The following BDKRB1 variants were observed in gnomAD, a reference collection of about 807,000 sequenced individuals.
BDKRB1 encodes B1 bradykinin receptor.
For synonymous variants in BDKRB1, 192 were observed against 189.1 expected (o/e 1.02, Z -0.13); for missense variants, 414 against 441.4 (o/e 0.94, Z 0.56).
Position 96,264,411 on chromosome 14 carries a change from C to T in BDKRB1, c.729C>T (p.Arg243=). ...EEVSRTRCGG[R]KDSKTTALIL... Reference sequence around the variant, plus strand: ...TCAGCAGGACAAGGTGCGGGGGCCGCAAGGATAGCAAGACCACAGCGCTGA... The same window carrying T: ...TCAGCAGGACAAGGTGCGGGGGCCGTAAGGATAGCAAGACCACAGCGCTGA... Residue 243 remains arginine (R), a synonymous_variant, in exon 3 of 3, where the codon CGC becomes CGT. Coordinates refer to ENST00000216629, the MANE Select transcript of BDKRB1 (RefSeq NM_000710.4). 3.7e-6 allele frequency: 6 copies of T among 1,614,210 alleles called. No individual in the cohort carries two copies. Among genetic ancestry groups the T allele is most frequent in the Non-Finnish European group, 5.1e-6 (6 of 1,180,036 alleles).
At position 96,264,195 on chromosome 14, in the gene BDKRB1, C is replaced by T; in HGVS notation, c.513C>T (p.Pro171=). Reference sequence around the variant, plus strand: ...TTGTGGGGGGCCTCTTGAGCATCCCCACATTCCTGCTGCGATCCATCCAAG... The same window carrying T: ...TTGTGGGGGGCCTCTTGAGCATCCCTACATTCCTGCTGCGATCCATCCAAG... ...IWVVGGLLSI[P]TFLLRSIQAV... The change falls in exon 3 of 3, where the codon CCC becomes CCT. Residue 171 remains proline, a synonymous_variant. Coordinates refer to ENST00000216629, the MANE Select transcript of BDKRB1 (RefSeq NM_000710.4). 1.2e-6 allele frequency: 2 copies of T among 1,611,882 alleles called. No homozygotes were observed. Among genetic ancestry groups the T allele is most frequent in the Non-Finnish European group, 1.7e-6 (2 of 1,178,456 alleles).
At chr14:96,261,647 A>T (rs1292656608) in intron 1 of BDKRB1, among the ~76,000 whole-genome samples, 1 of 152,266 alleles carries the variant, frequency 6.6e-6, no homozygotes, top group Middle Eastern at 3.2e-3. Context: ...GGTGTCACCC[A>T]TTAATAACAA....
In BDKRB1 at chr14:96,264,079, C is replaced by A; in HGVS notation, c.397C>A (p.Gln133Lys). ...CATCTTCCTGGTGGTGGCCATCAGC[C>A]AGGACCGCTACCGCGTGCTGGTGCA... ...ISIFLVVAIS[Q>K]DRYRVLVHPM... The change falls in exon 3 of 3, where the codon CAG becomes AAG. Residue 133 changes from glutamine (Q) to lysine (K), a missense_variant. Transcript: ENST00000216629. 1 of 1,609,454 alleles carries A rather than the reference C, an allele frequency of 6.2e-7. No homozygotes were observed. The highest frequency in any genetic ancestry group is 8.5e-7 in the Non-Finnish European group (1 of 1,177,836).
intron 1 of BDKRB1, among the ~76,000 whole-genome samples, chr14:96,260,605 C>CA (rs775194190): frequency 6.6e-6 from 1 of 152,172 alleles, no homozygotes; most frequent in South Asian, 2.1e-4. Flanking sequence ...TTATGCCCTG[C>CA]AAAAAATGAC....
At chr14:96,256,386 C>A (rs1038157505) in intron 1 of BDKRB1, 86 bp downstream of exon 1, 5 of 152,108 alleles carry the variant, frequency 3.3e-5, no homozygotes, top group Admixed American at 1.3e-4. Context: ...CAAAAAACTT[C>A]CTTTTACACC....
chr14:96,260,549 A>C (rs1291750267), intron 1 of BDKRB1, among the ~76,000 whole-genome samples: 1 of 152,180 alleles, frequency 6.6e-6, no homozygotes, highest in Non-Finnish European at 1.5e-5. Flanking sequence ...GTTTATTTCA[A>C]ATTCTTTAAG....
At chr14:96,263,391 C>T (rs885845) in intron 2 of BDKRB1, among the ~76,000 whole-genome samples, 55,649 of 151,950 alleles carry the variant, frequency 0.37, 10,413 homozygotes, top group East Asian at 0.55. Flanking sequence ...GTGATTGTAC[C>T]GGGATTTGGA....
At chr14:96,262,024 C>T (rs1008007890) in intron 1 of BDKRB1, among the ~76,000 whole-genome samples, 3 of 152,230 alleles carry the variant, frequency 2.0e-5, no homozygotes, top group Admixed American at 1.3e-4. Context: ...AGGTCAGCTG[C>T]GTGGCTATGA....
chr14:96,263,893 G>A lies in BDKRB1; in HGVS notation c.211G>A (p.Val71Met), dbSNP rs765406047. The A allele has an allele frequency of 1.9e-5, 30 of 1,614,094 alleles. No homozygotes were observed. The highest frequency in any genetic ancestry group is 1.6e-4 in the East Asian group (7 of 44,894). Residue 71 changes from valine (V) to methionine (M), a missense_variant, in exon 3 of 3, where the codon GTG (valine) becomes ATG (methionine). Transcript: ENST00000216629. ...CCTCCTGCCCCGGCGGCAACTGAAC[G>A]TGGCAGAAATCTACCTGGCCAACCT... ...VFLLPRRQLN[V>M]AEIYLANLAA... is the part of the protein sequence containing the mutation.
intron 1 of BDKRB1, among the ~76,000 whole-genome samples, chr14:96,260,795 G>T (rs1885731570): frequency 6.6e-6 from 1 of 152,120 alleles, no homozygotes; most frequent in South Asian, 2.1e-4. Flanking sequence ...CTCCCTTGGT[G>T]ATTTCATCCA....
Position 96,264,267 on chromosome 14 carries a change from T to C in BDKRB1, c.585T>C (p.His195=). ...NITACILLLP[H]EAWHFARIVE... is the part of the protein sequence containing the mutation. ...CCGCCTGCATCCTGCTCCTCCCCCA[T>C]GAGGCCTGGCACTTTGCAAGGATTG... is the stretch of plus-strand genomic sequence containing the variant. The change falls in exon 3 of 3, where the codon CAT becomes CAC. Residue 195 remains histidine, a synonymous_variant. Coordinates refer to ENST00000216629, the MANE Select transcript of BDKRB1 (RefSeq NM_000710.4). The C allele has an allele frequency of 6.2e-7, 1 of 1,614,226 alleles. No individual in the cohort carries two copies.
Position 96,264,490 on chromosome 14 carries a change from G to A in BDKRB1, c.808G>A (p.Ala270Thr). The A allele has an allele frequency of 1.2e-6, 2 of 1,614,158 alleles. No homozygotes were observed. Among genetic ancestry groups the A allele is most frequent in the Non-Finnish European group, 8.5e-7 (1 of 1,180,040 alleles). Reference sequence around the variant, plus strand: ...CTGCTGGGCCCCTTACCACTTCTTTGCCTTCCTGGAATTCTTATTCCAGGT... The same window carrying A: ...CTGCTGGGCCCCTTACCACTTCTTTACCTTCCTGGAATTCTTATTCCAGGT... ...LVCWAPYHFFAFLEFLFQVQA... is the reference protein window; with the variant it reads ...LVCWAPYHFFTFLEFLFQVQA... The change falls in exon 3 of 3, where the codon GCC (alanine) becomes ACC (threonine). Residue 270 changes from alanine to threonine, a missense_variant. Ala to Thr is a moderately conservative substitution (Grantham distance 58). Transcript: ENST00000216629.
intron 1 of BDKRB1, among the ~76,000 whole-genome samples, chr14:96,258,129 C>A (rs28716688): frequency 7.9e-5 from 12 of 152,062 alleles, no homozygotes; most frequent in African/African-American, 2.7e-4. Context: ...ATGCATACAC[C>A]TATGAATATT....
Position 96,258,549 on chromosome 14 carries a change from C to T in BDKRB1, c.-130+2249C>T, listed in dbSNP as rs115795764. ...TTTAGCCCAGATATTTTCACAGGTG[C>T]TGTCTTTGTGCCTTAGTTTGGAATG... On this transcript the variant is annotated intron_variant, in intron 1 of 2. Coordinates refer to ENST00000216629, the MANE Select transcript of BDKRB1 (RefSeq NM_000710.4). Among the ~76,000 whole-genome samples the T allele has an allele frequency of 6.8e-3, 1,033 of 152,306 alleles. 7 individuals are homozygous for T. Among genetic ancestry groups the T allele is most frequent in the African/African-American group, 0.024 (986 of 41,564 alleles).
At chr14:96,261,589 T>C (rs1220740673) in intron 1 of BDKRB1, among the ~76,000 whole-genome samples, 3 of 152,228 alleles carry the variant, frequency 2.0e-5, no homozygotes, top group Non-Finnish European at 4.4e-5. Context: ...TGCTACACAA[T>C]AGCTTTTGTT....
At chr14:96,260,087 C>T (rs8006835) in intron 1 of BDKRB1, among the ~76,000 whole-genome samples, 3,097 of 149,294 alleles carry the variant, frequency 0.021, 97 homozygotes, top group African/African-American at 0.071. Context: ...TGTACTGGTG[C>T]GATCTCAGCT....
At chr14:96,259,919 C>T (rs1024256251) in intron 1 of BDKRB1, 1 of 152,120 alleles carries the variant, frequency 6.6e-6, no homozygotes, top group Non-Finnish European at 1.5e-5. Context: ...GCTGAGTTAA[C>T]TTAAAGAACA....
chr14:96,258,695 G>A (rs1885673907), intron 1 of BDKRB1, among the ~76,000 whole-genome samples: 1 of 151,954 alleles, frequency 6.6e-6, no homozygotes, highest in South Asian at 2.1e-4. Context: ...TAATTTTTGT[G>A]TTTTCAGTAG....
chr14:96,262,624 T>C, intron 1 of BDKRB1, 28 bp from the exon 2 acceptor site: 2 of 172,172 alleles, frequency 1.2e-5, no homozygotes, highest in South Asian at 9.1e-5. Context: ...TTTTTTTTTT[T>C]TTGTTGTTGT....
Sources: gnomAD v4.1 joint callset for allele counts (sites outside exome capture counted in the v4.1 genomes callset) on GRCh38, gnomAD v4.1.1 for gene constraint, MANE v1.5 for transcripts, NCBI Gene and HGNC (gene_info 2026-07-23, HGNC 2026-07-21) for gene names.